INPP5F: variants seen among roughly 807,000 people sequenced by gnomAD.
The protein encoded by INPP5F is inositol polyphosphate-5-phosphatase F.
A neutral mutation model predicts 137.2 loss-of-function variants in INPP5F; 97 were observed. That is an observed-to-expected ratio of 0.71 (90% CI 0.60 to 0.84). The LOEUF (loss-of-function observed/expected upper bound fraction) is 0.84, where lower values mean the gene tolerates loss of function less well. INPP5F is among the 40% of genes least tolerant of loss of function. The pLI is 0.00. For synonymous variants in INPP5F, 504 were observed against 476.9 expected (o/e 1.06, Z -0.74); for missense variants, 1,271 against 1,371.9 (o/e 0.93, Z 1.16).
chr10:119,813,110 G>C (rs1851111075), intron 15 of INPP5F, among the ~76,000 whole-genome samples: 1 of 152,110 alleles, frequency 6.6e-6, no homozygotes, highest in Non-Finnish European at 1.5e-5. Flanking sequence ...AAAACCAAAA[G>C]GTTTATTTCT....
intron 2 of INPP5F, among the ~76,000 whole-genome samples, chr10:119,775,209 A>AG (rs1012320756): frequency 7.2e-5 from 11 of 152,010 alleles, no homozygotes; most frequent in African/African-American, 2.7e-4. Context: ...AGAATCTAAA[A>AG]TTTTTTTTGC....
At chr10:119,774,766 C>T (rs1388919023) in intron 2 of INPP5F, among the ~76,000 whole-genome samples, 1 of 152,058 alleles carries the variant, frequency 6.6e-6, no homozygotes, top group African/African-American at 2.4e-5. Context: ...CATCAGTGGA[C>T]TCCCATCTAT....
chr10:119,827,963 A>G lies in INPP5F; in HGVS notation c.*183A>G, dbSNP rs548903092. The stretch of plus-strand genomic sequence containing the variant: ...TTTACAGCCAGGACTACAGAAGTGC[A>G]TCATTCTAGAATGTGTAGACCTGAG... On this transcript the variant is annotated 3_prime_UTR_variant, in exon 20 of 20. Coordinates refer to ENST00000650623, the MANE Select transcript of INPP5F (RefSeq NM_014937.4). 2.9e-4 allele frequency: 163 copies of G among 559,730 alleles called. No individual in the cohort carries two copies. The highest frequency in any genetic ancestry group is 2.9e-3 in the African/African-American group (154 of 53,142). The allele number at this position is 559,730 out of a possible 1,614,324, so 34.7% of individuals were successfully genotyped here. A position where few individuals can be genotyped will look rare whatever the true frequency, so the allele number is the denominator to read the frequency against.
Position 119,826,985 on chromosome 10 carries a change from G to A in INPP5F, c.2604G>A (p.Lys868=). The A allele has an allele frequency of 1.2e-6, 2 of 1,614,114 alleles. No homozygotes were observed. The highest frequency in any genetic ancestry group is 1.7e-6 in the Non-Finnish European group (2 of 1,180,000). ...CTGATGAATTCCTTACAAATTCTAA[G>A]TCTGATGAAGACAGGCAGCTAGCTA... is the stretch of plus-strand genomic sequence containing the variant. ...YHSDEFLTNS[K]SDEDRQLANS... is the part of the protein sequence containing the mutation. The change falls in exon 20 of 20, where the codon AAG becomes AAA. Residue 868 remains lysine (K), a synonymous_variant. Coordinates refer to ENST00000650623, the MANE Select transcript of INPP5F (RefSeq NM_014937.4).
rs1851855952 is a variant in INPP5F, at chr10:119,828,346, C to A, written c.*566C>A. On this transcript the variant is annotated 3_prime_UTR_variant, in exon 20 of 20. Coordinates refer to ENST00000650623, the MANE Select transcript of INPP5F (RefSeq NM_014937.4). ...AATTCTCATTTGATCCTAATTTTCC[C>A]CGTATTCTACTTGAACACATTAAAA... 6.5e-6 allele frequency: 1 copy of A among 152,822 alleles called. No individual in the cohort carries two copies. The highest frequency in any genetic ancestry group is 1.5e-5 in the Non-Finnish European group (1 of 68,588). The allele number at this position is 152,822 out of a possible 1,614,324, so 9.5% of individuals were successfully genotyped here.
At chr10:119,731,600 G>C (rs1848069639) in intron 1 of INPP5F, among the ~76,000 whole-genome samples, 2 of 152,196 alleles carry the variant, frequency 1.3e-5, no homozygotes, top group Admixed American at 1.3e-4. Context: ...GGAGGCAGAG[G>C]TTGCAGTGAG....
intron 9 of INPP5F, among the ~76,000 whole-genome samples, 176 bp downstream of exon 9, chr10:119,798,786 CTTTTTTTTTTTTT>C (rs374141329): frequency 3.0e-5 from 3 of 100,710 alleles, no homozygotes; most frequent in East Asian, 5.7e-4. Context: ...GAGTCAGCTA[CTTTTTTTTTTTTT>C]TTTTTTTTTT....
intron 1 of INPP5F, among the ~76,000 whole-genome samples, chr10:119,729,732 C>A (rs59474064): frequency 0.021 from 3,218 of 151,206 alleles, 124 homozygotes; most frequent in African/African-American, 0.074. Flanking sequence ...TGTGTGCTAC[C>A]ACACCTGGCT....
chr10:119,802,964 T>C (rs953202249), intron 9 of INPP5F, among the ~76,000 whole-genome samples: 4 of 152,226 alleles, frequency 2.6e-5, no homozygotes, highest in Non-Finnish European at 4.4e-5. Context: ...TGTCATCTCT[T>C]CATTGAGTAT....
intron 2 of INPP5F, among the ~76,000 whole-genome samples, chr10:119,763,611 A>G (rs1849068804): frequency 6.6e-6 from 1 of 152,206 alleles, no homozygotes; most frequent in Non-Finnish European, 1.5e-5. Flanking sequence ...GCTTAAGTCC[A>G]TGGTTCACAC....
chr10:119,747,027 G>A (rs576476736), intron 1 of INPP5F, among the ~76,000 whole-genome samples: 19 of 152,014 alleles, frequency 1.2e-4, no homozygotes, highest in African/African-American at 3.6e-4. Flanking sequence ...GACCTCAAGT[G>A]ATCCTCCTGC....
At chr10:119,752,747 C>A (rs1398667444) in intron 2 of INPP5F, among the ~76,000 whole-genome samples, 1 of 151,720 alleles carries the variant, frequency 6.6e-6, no homozygotes, top group African/African-American at 2.4e-5. Flanking sequence ...ATAGGTATTC[C>A]TAAAGATGTT....
chr10:119,779,809 G>C (rs1849644149), intron 2 of INPP5F, among the ~76,000 whole-genome samples: 1 of 152,014 alleles, frequency 6.6e-6, no homozygotes, highest in Non-Finnish European at 1.5e-5. Flanking sequence ...AAAACTTTTT[G>C]ACTCTTCTGT....
rs140948861 is a variant in INPP5F, at chr10:119,746,452, G to A, written c.98-4624G>A. Reference sequence around the variant, plus strand: ...AGCTCTTTCCTTAGCAGGGGCATCTGTGTTGGCAGATGTTGAGACATGGTC... The same window carrying A: ...AGCTCTTTCCTTAGCAGGGGCATCTATGTTGGCAGATGTTGAGACATGGTC... On this transcript the variant is annotated intron_variant, in intron 1 of 19. Coordinates refer to ENST00000650623, the MANE Select transcript of INPP5F (RefSeq NM_014937.4). Among the ~76,000 whole-genome samples, 149 of 152,302 alleles carry A rather than the reference G, an allele frequency of 9.8e-4. 1 individual carries two copies. Among genetic ancestry groups the A allele is most frequent in the African/African-American group, 3.5e-3 (145 of 41,562 alleles).
In INPP5F at chr10:119,726,214, C is replaced by A; in HGVS notation, c.-49C>A. 7.8e-7 allele frequency: 1 copy of A among 1,285,734 alleles called. No individual in the cohort carries two copies. The highest frequency in any genetic ancestry group is 1.6e-5 in the South Asian group (1 of 63,002). The allele number at this position is 1,285,734 out of a possible 1,614,324, so 79.6% of individuals were successfully genotyped here. A position where few individuals can be genotyped will look rare whatever the true frequency, so the allele number is the denominator to read the frequency against. On this transcript the variant is annotated 5_prime_UTR_variant, in exon 1 of 20. Transcript: ENST00000650623. The stretch of plus-strand genomic sequence containing the variant: ...TGGCGGCCTCGACCGACTAGGACGC[C>A]CCGTGCGCCGCCCGCGGGCCGCCGC...
intron 14 of INPP5F, 67 bp downstream of exon 14, chr10:119,810,284 C>G: frequency 1.2e-6 from 1 of 808,862 alleles, no homozygotes; most frequent in Middle Eastern, 2.3e-4. Flanking sequence ...TTTACAGAAA[C>G]CAGCTTCATT....
At chr10:119,791,771 C>T (rs1052714765) in intron 4 of INPP5F, 98 bp from the exon 5 acceptor site, 1 of 1,325,246 alleles carries the variant, frequency 7.5e-7, no homozygotes, top group Non-Finnish European at 1.0e-6. Flanking sequence ...TCCTTATGCC[C>T]TTGGGATTAT....
chr10:119,816,479 T>TA (rs983507011), intron 15 of INPP5F: 47 of 152,280 alleles, frequency 3.1e-4, no homozygotes, highest in African/African-American at 1.1e-3. Flanking sequence ...TTCTTGCTAA[T>TA]AATACTGCTG....
chr10:119,780,911 G>C (rs1327597224), intron 2 of INPP5F, among the ~76,000 whole-genome samples: 1 of 152,196 alleles, frequency 6.6e-6, no homozygotes, highest in Non-Finnish European at 1.5e-5. Context: ...GAGCATCCGT[G>C]GAGTTTGGTA....
Sources: allele counts gnomAD v4.1 joint callset (sites outside exome capture counted in the v4.1 genomes callset), GRCh38; gene constraint gnomAD v4.1.1; transcripts MANE v1.5; gene names NCBI Gene and HGNC (gene_info 2026-07-23, HGNC 2026-07-21).